CHN2: variants seen among roughly 807,000 people sequenced by gnomAD.
CHN2 encodes beta-chimaerin.
CHN2 carries 35 observed loss-of-function variants against 56.3 expected under a neutral mutation model. The ratio of observed to expected loss-of-function variants is 0.62; its 90% CI spans 0.47 to 0.82. CHN2 has a LOEUF of 0.82. CHN2 is among the 40% of genes least tolerant of loss of function. The pLI is 0.00. For synonymous variants in CHN2, 210 were observed against 212.8 expected (o/e 0.99, Z 0.12); for missense variants, 491 against 580.5 (o/e 0.85, Z 1.58).
At chr7:29,290,659 A>T (rs574505484) in intron 1 of CHN2, among the ~76,000 whole-genome samples, 154 of 152,314 alleles carry the variant, frequency 1.0e-3, no homozygotes, top group Non-Finnish European at 1.9e-3. Flanking sequence ...GATGATATTT[A>T]TGGACAAATT....
At chr7:29,511,162 A>ATAAATAGTAGGTATTGAGATTTTTATT (rs1791316584) in intron 12 of CHN2, among the ~76,000 whole-genome samples, 1 of 149,122 alleles carries the variant, frequency 6.7e-6, no homozygotes, top group African/African-American at 2.5e-5. Flanking sequence ...GGAGGACTGT[A>ATAAATAGTAGGTATTGAGATTTTTATT]TAAACAGTAG....
At chr7:29,235,345 C>T (rs769375650) in intron 1 of CHN2, among the ~76,000 whole-genome samples, 4 of 152,160 alleles carry the variant, frequency 2.6e-5, no homozygotes, top group Non-Finnish European at 5.9e-5. Flanking sequence ...TACCATCTCA[C>T]ACCAGTCAGA....
At chr7:29,227,311 A>C (rs1193690482) in intron 1 of CHN2, among the ~76,000 whole-genome samples, 1 of 152,152 alleles carries the variant, frequency 6.6e-6, no homozygotes, top group African/African-American at 2.4e-5. Context: ...TTCCCAACTC[A>C]GTGATCTCCT....
chr7:29,400,675 C>T lies in CHN2; in HGVS notation c.423C>T (p.Ala141=), dbSNP rs577212527. The T allele has an allele frequency of 2.6e-5, 42 of 1,614,052 alleles. No individual in the cohort carries two copies. The highest frequency in any genetic ancestry group is 2.0e-4 in the African/African-American group (15 of 74,986). ...CACTGTACATAGAAACAAAAGCTGC[C>T]GAGTACATTTCAAAAATGACAACTA... ...LITLYIETKA[A]EYISKMTTNP... The change falls in exon 6 of 13, where the codon GCC becomes GCT. Residue 141 remains alanine (A), a synonymous_variant. Transcript: ENST00000222792.
At chr7:29,223,775 C>G (rs754458462) in intron 1 of CHN2, among the ~76,000 whole-genome samples, 101 of 152,110 alleles carry the variant, frequency 6.6e-4, no homozygotes, top group Non-Finnish European at 1.3e-3. Context: ...GTTATATACA[C>G]ATGGAATTGC....
intron 1 of CHN2, among the ~76,000 whole-genome samples, chr7:29,279,583 T>C (rs1431854582): frequency 6.6e-6 from 1 of 152,162 alleles, no homozygotes; most frequent in Non-Finnish European, 1.5e-5. Context: ...AGATGGCTCT[T>C]GTGGGTATGA....
At chr7:29,340,331 A>G (rs1279721341) in intron 1 of CHN2, among the ~76,000 whole-genome samples, 1 of 151,124 alleles carries the variant, frequency 6.6e-6, no homozygotes, top group Non-Finnish European at 1.5e-5. Context: ...AAAAGTTTTT[A>G]TATTCAGAAA....
At chr7:29,317,825 C>A (rs1489840912) in intron 1 of CHN2, among the ~76,000 whole-genome samples, 6 of 152,086 alleles carry the variant, frequency 3.9e-5, no homozygotes, top group African/African-American at 1.4e-4. Flanking sequence ...CCTGTCTCTA[C>A]AAAACATACA....
At chr7:29,196,059 T>C (rs1783687340) in intron 1 of CHN2, among the ~76,000 whole-genome samples, 1 of 152,206 alleles carries the variant, frequency 6.6e-6, no homozygotes, top group Non-Finnish European at 1.5e-5. Flanking sequence ...TTGTATTAAG[T>C]CCCATTGGGC....
chr7:29,413,663 G>A (rs768044152), intron 6 of CHN2, among the ~76,000 whole-genome samples: 1 of 152,170 alleles, frequency 6.6e-6, no homozygotes, highest in Non-Finnish European at 1.5e-5. Flanking sequence ...AAAGCCAGGC[G>A]ATTTGCCCAG....
chr7:29,354,753 G>C (rs911904509), intron 2 of CHN2, 90 bp downstream of exon 2: 22 of 1,158,984 alleles, frequency 1.9e-5, no homozygotes, highest in Admixed American at 5.5e-5. Flanking sequence ...GCACACAAGC[G>C]TTCCCACCTC....
At chr7:29,146,952 G>T (rs1210084508) in exon 2 of CHN2, 1 of 1,551,068 alleles carries the variant, frequency 6.4e-7, no homozygotes, top group South Asian at 1.2e-5. Flanking sequence ...CATTCCAGCT[G>T]CACTAGCAGT....
At chr7:29,464,414 G>T (rs967729736) in intron 6 of CHN2, among the ~76,000 whole-genome samples, 1 of 152,186 alleles carries the variant, frequency 6.6e-6, no homozygotes, top group African/African-American at 2.4e-5. Flanking sequence ...TAAGGAACAT[G>T]AATTTGAAAC....
At chr7:29,238,015 CTTTTTTT>C (rs11405147) in intron 1 of CHN2, among the ~76,000 whole-genome samples, 1 of 106,004 alleles carries the variant, frequency 9.4e-6, no homozygotes, top group African/African-American at 3.6e-5. Context: ...TATGTATTCT[CTTTTTTT>C]TTTTTTTTTT....
At chr7:29,262,008 A>G (rs1037728535) in intron 1 of CHN2, among the ~76,000 whole-genome samples, 1 of 152,126 alleles carries the variant, frequency 6.6e-6, no homozygotes, top group Admixed American at 6.6e-5. Flanking sequence ...TCTCTACAAA[A>G]CATACAAAAA....
intron 1 of CHN2, among the ~76,000 whole-genome samples, chr7:29,310,995 A>G (rs567700227): frequency 3.0e-4 from 45 of 152,362 alleles, no homozygotes; most frequent in Non-Finnish European, 5.6e-4. Flanking sequence ...TTCTTAAACA[A>G]CAAAACAAGT....
intron 1 of CHN2, among the ~76,000 whole-genome samples, chr7:29,334,764 AAACAAAC>A (rs917943063): frequency 5.9e-5 from 9 of 151,998 alleles, no homozygotes; most frequent in African/African-American, 2.2e-4. Flanking sequence ...TCAAACAAAC[AAACAAAC>A]AACAACAAAA....
intron 1 of CHN2, among the ~76,000 whole-genome samples, chr7:29,212,070 C>T (rs1333527386): frequency 6.6e-6 from 1 of 152,122 alleles, no homozygotes; most frequent in Non-Finnish European, 1.5e-5. Context: ...GTAAATATTT[C>T]AGATGGTATC....
intron 1 of CHN2, among the ~76,000 whole-genome samples, chr7:29,292,635 T>C (rs1464520917): frequency 6.6e-6 from 1 of 152,346 alleles, no homozygotes; most frequent in East Asian, 1.9e-4. Context: ...TTCTGGAATA[T>C]TTGCTAGTTA....
Sources: gnomAD v4.1 joint callset for allele counts (sites outside exome capture counted in the v4.1 genomes callset) on GRCh38, gnomAD v4.1.1 for gene constraint, MANE v1.5 for transcripts, NCBI Gene and HGNC (gene_info 2026-07-23, HGNC 2026-07-21) for gene names.